The following CRYBA4 variants were observed in gnomAD, a reference collection of about 807,000 sequenced individuals.
CRYBA4 encodes beta-crystallin A4.
A neutral mutation model predicts 31.7 loss-of-function variants in CRYBA4; 30 were observed. That is an observed-to-expected ratio of 0.95 (90% CI 0.71 to 1.28). The LOEUF is 1.28. Among genes scored for constraint, CRYBA4 ranks in the 50% most tolerant of loss-of-function variants. CRYBA4 has a pLI of 0.00. For synonymous variants in CRYBA4, 102 were observed against 102.3 expected (o/e 1.00, Z 0.02); for missense variants, 225 against 260.7 (o/e 0.86, Z 0.94).
In CRYBA4 at chr22:26,630,611, C is replaced by T. The variant is rs1929901182; in HGVS notation, c.*124C>T. On this transcript the variant is annotated 3_prime_UTR_variant, in exon 6 of 6. Transcript: ENST00000354760. ...TGTGTGAACCCAGCACCCATGTGAA[C>T]TGGTCCGTGCACAGTCAGCACAAAA... The T allele has an allele frequency of 1.3e-6, 1 of 782,970 alleles. No individual in the cohort carries two copies. Among genetic ancestry groups the T allele is most frequent in the Non-Finnish European group, 2.1e-6 (1 of 467,146 alleles). 48.5% of individuals were successfully genotyped at this position (782,970 alleles called of 1,614,324 possible). A position where few individuals can be genotyped will look rare whatever the true frequency, so the allele number is the denominator to read the frequency against.
At position 26,625,394 on chromosome 22, in the gene CRYBA4, C is replaced by T. The variant is rs60247117; in HGVS notation, c.159-87C>T. 0.045 allele frequency: 67,334 copies of T among 1,487,202 alleles called. 1,987 individuals carry two copies. Among genetic ancestry groups the T allele is most frequent in the Middle Eastern group, 0.1 (577 of 5,656 alleles). 92.1% of individuals were successfully genotyped at this position (1,487,202 alleles called of 1,614,324 possible). A position where few individuals can be genotyped will look rare whatever the true frequency, so the allele number is the denominator to read the frequency against. ...CACAGTCACCCCTGAATGGTTGTGA[C>T]TGTGACCGTTCTAGACCCAATTGCT... On this transcript the variant is annotated intron_variant, in intron 3 of 5. Coordinates refer to ENST00000354760, the MANE Select transcript of CRYBA4 (RefSeq NM_001886.3).
At chr22:26,629,628 G>T (rs554257194) in intron 5 of CRYBA4, among the ~76,000 whole-genome samples, 158 of 150,810 alleles carry the variant, frequency 1.0e-3, no homozygotes, top group African/African-American at 3.6e-3. Context: ...TCTAGTCCCA[G>T]CCACTCGGAT....
the CRYBA4 span, among the ~76,000 whole-genome samples, chr22:26,612,817 C>A: frequency 2.0e-5 from 3 of 152,192 alleles, no homozygotes; most frequent in Non-Finnish European, 4.4e-5. Context: ...AATACGCATT[C>A]CAGCTCGTTA....
chr22:26,591,945 AG>A, the CRYBA4 span, among the ~76,000 whole-genome samples: 1 of 150,190 alleles, frequency 6.7e-6, no homozygotes, highest in African/African-American at 2.5e-5. Flanking sequence ...TAGGGCACAC[AG>A]ATATTAAGTA....
At chr22:26,593,937 C>G in the CRYBA4 span, among the ~76,000 whole-genome samples, 2 of 152,162 alleles carry the variant, frequency 1.3e-5, no homozygotes, top group Non-Finnish European at 2.9e-5. Flanking sequence ...ATCATTACTC[C>G]CATTTTACAG....
At chr22:26,590,371 C>T in the CRYBA4 span, among the ~76,000 whole-genome samples, 1 of 152,216 alleles carries the variant, frequency 6.6e-6, no homozygotes, top group Non-Finnish European at 1.5e-5. Context: ...CCGGTCAGTT[C>T]TGTTTAAGAG....
intron 2 of CRYBA4, 133 bp from the exon 3 acceptor site, chr22:26,623,101 G>C (rs959137220): frequency 1.9e-5 from 15 of 789,330 alleles, no homozygotes; most frequent in African/African-American, 3.4e-5. Flanking sequence ...CACTGCTCTT[G>C]CCTTCCTGGC....
upstream of CRYBA4, among the ~76,000 whole-genome samples, chr22:26,618,939 C>T (rs1023558900): frequency 6.6e-6 from 1 of 152,224 alleles, no homozygotes; most frequent in East Asian, 1.9e-4. Flanking sequence ...CGTTATCTGA[C>T]CTGGAGGACA....
chr22:26,610,634 C>T, the CRYBA4 span, among the ~76,000 whole-genome samples: 1 of 152,138 alleles, frequency 6.6e-6, no homozygotes. Flanking sequence ...CCCGGGTAGC[C>T]TCCAGGATAA....
At chr22:26,598,536 A>G in the CRYBA4 span, among the ~76,000 whole-genome samples, 2 of 152,144 alleles carry the variant, frequency 1.3e-5, no homozygotes, top group East Asian at 3.9e-4. Flanking sequence ...GGCGCACGCC[A>G]CCATGCTGGG....
the CRYBA4 span, chr22:26,596,649 A>G: frequency 6.6e-6 from 1 of 152,206 alleles, no homozygotes; most frequent in East Asian, 1.9e-4. Flanking sequence ...CTTGAAGGTA[A>G]AGAACTATGG....
rs1171263621 is a variant in CRYBA4, at chr22:26,625,556, T to C, written c.234T>C (p.Asp78=). 16 of 1,614,088 alleles carry C rather than the reference T, an allele frequency of 9.9e-6. No individual in the cohort carries two copies. Among genetic ancestry groups the C allele is most frequent in the Non-Finnish European group, 1.4e-5 (16 of 1,180,020 alleles). ...ILERGEYPSW[D]AWGGNTAYPA... ...AACGAGGCGAATATCCAAGCTGGGA[T>C]GCCTGGGGCGGCAACACGGCCTACC... is the stretch of plus-strand genomic sequence containing the variant. Residue 78 remains aspartate (D), a synonymous_variant, in exon 4 of 6, where the codon GAT becomes GAC. Coordinates refer to ENST00000354760, the MANE Select transcript of CRYBA4 (RefSeq NM_001886.3).
the CRYBA4 span, chr22:26,608,163 T>C: frequency 2.4e-6 from 3 of 1,250,442 alleles, no homozygotes; most frequent in Middle Eastern, 3.7e-4. Flanking sequence ...CATGTCTGGG[T>C]TTGATTTTAG....
At chr22:26,601,338 G>C in the CRYBA4 span, among the ~76,000 whole-genome samples, 3 of 152,130 alleles carry the variant, frequency 2.0e-5, no homozygotes, top group African/African-American at 2.4e-5. Context: ...AGCGTTCAGA[G>C]CAGGAAGGGC....
chr22:26,607,861 C>A, the CRYBA4 span: 3 of 1,614,032 alleles, frequency 1.9e-6, no homozygotes, highest in Non-Finnish European at 2.5e-6. Context: ...CTGGCTGATT[C>A]TCCAGCCCCA....
chr22:26,607,796 C>T, the CRYBA4 span: 2 of 1,575,186 alleles, frequency 1.3e-6, no homozygotes, highest in Non-Finnish European at 1.7e-6. Context: ...CCCTACCCAC[C>T]ATCATCTCCT....
At chr22:26,615,766 G>A in the CRYBA4 span, among the ~76,000 whole-genome samples, 11 of 152,132 alleles carry the variant, frequency 7.2e-5, no homozygotes, top group Non-Finnish European at 1.2e-4. Flanking sequence ...CACCTGCCTC[G>A]GCCTCCCAAA....
At chr22:26,596,823 A>G in the CRYBA4 span, 2 of 152,230 alleles carry the variant, frequency 1.3e-5, no homozygotes, top group African/African-American at 4.8e-5. Context: ...AGAACCTTAG[A>G]GAGTCATAGA....
At chr22:26,604,394 T>C in the CRYBA4 span, among the ~76,000 whole-genome samples, 9 of 152,258 alleles carry the variant, frequency 5.9e-5, no homozygotes, top group African/African-American at 2.2e-4. Context: ...CTACTGTTAT[T>C]ATCTACTGTT....
Sources: allele counts gnomAD v4.1 joint callset (sites outside exome capture counted in the v4.1 genomes callset), GRCh38; gene constraint gnomAD v4.1.1; transcripts MANE v1.5; gene names NCBI Gene and HGNC (gene_info 2026-07-23, HGNC 2026-07-21).